The following PLEKHF2 variants were observed in gnomAD, a reference collection of about 807,000 sequenced individuals.
The protein encoded by PLEKHF2 is pleckstrin homology domain-containing family F member 2.
A neutral mutation model predicts 14.7 loss-of-function variants in PLEKHF2; 4 were observed. The ratio of observed to expected loss-of-function variants is 0.27; its 90% confidence interval spans 0.13 to 0.62. PLEKHF2 has a LOEUF of 0.62. Ranked by LOEUF, PLEKHF2 falls within the 20% of genes least tolerant of loss-of-function variation. The pLI, the probability that PLEKHF2 is intolerant of heterozygous loss-of-function variation, is 0.85. For synonymous variants in PLEKHF2, 90 were observed against 103.5 expected (o/e 0.87, Z 0.79); for missense variants, 201 against 307.7 (o/e 0.65, Z 2.60).
In PLEKHF2 at chr8:95,133,900, G is replaced by C. The variant is rs984098134; in HGVS notation, c.-145G>C. ...CGCGTCTGGATCGCGCCGGCTGCGC[G>C]GGGCTGCGGACAGCACACACCCTGG... On this transcript the variant is annotated 5_prime_UTR_variant, in exon 1 of 2. Coordinates refer to ENST00000315367, the MANE Select transcript of PLEKHF2 (RefSeq NM_024613.4). 6.6e-6 allele frequency: 1 copy of C among 152,194 alleles called. No homozygotes were observed. Among genetic ancestry groups the C allele is most frequent in the Non-Finnish European group, 1.5e-5 (1 of 68,146 alleles). 9.4% of individuals were successfully genotyped at this position (152,194 alleles called of 1,614,324 possible). A position where few individuals can be genotyped will look rare whatever the true frequency, so the allele number is the denominator to read the frequency against.
Position 95,153,709 on chromosome 8 carries a change from T to A in PLEKHF2, c.-14-322T>A, listed in dbSNP as rs139660424. ...TGAGATTACATTTCATTGAATGGGG[T>A]TTATTATTTTGCAGAGATAAGTTAT... On this transcript the variant is annotated intron_variant, in intron 1 of 1. Coordinates refer to ENST00000315367, the MANE Select transcript of PLEKHF2 (RefSeq NM_024613.4). Among the ~76,000 whole-genome samples, 493 of 152,248 alleles carry A rather than the reference T, an allele frequency of 3.2e-3. 2 individuals are homozygous for A. The highest frequency in any genetic ancestry group is 0.011 in the African/African-American group (465 of 41,538).
chr8:95,139,589 A>G (rs1587304019), intron 1 of PLEKHF2, among the ~76,000 whole-genome samples: 2 of 150,652 alleles, frequency 1.3e-5, no homozygotes, highest in Non-Finnish European at 3.0e-5. Flanking sequence ...AAGTTTAGGT[A>G]GTAAATTTTT....
At chr8:95,153,060 T>C (rs984079437) in intron 1 of PLEKHF2, among the ~76,000 whole-genome samples, 1 of 152,160 alleles carries the variant, frequency 6.6e-6, no homozygotes, top group Non-Finnish European at 1.5e-5. Flanking sequence ...TTTAGTACCT[T>C]TTCTGTGTCA....
chr8:95,136,378 TTTG>T (rs1810377487), intron 1 of PLEKHF2, among the ~76,000 whole-genome samples: 1 of 147,862 alleles, frequency 6.8e-6, no homozygotes, highest in Admixed American at 6.7e-5. Flanking sequence ...ACACACATGT[TTTG>T]TTGTTGTTTT....
At chr8:95,146,822 A>G (rs1237722067) in intron 1 of PLEKHF2, among the ~76,000 whole-genome samples, 1 of 152,056 alleles carries the variant, frequency 6.6e-6, no homozygotes, top group Non-Finnish European at 1.5e-5. Context: ...AAAAAAAAAA[A>G]GTCAAATGGA....
In PLEKHF2 at chr8:95,154,764, T is replaced by G; in HGVS notation, c.720T>G (p.Asp240Glu). 6.2e-7 allele frequency: 1 copy of G among 1,614,118 alleles called. No individual in the cohort carries two copies. ...SLKSPLNDMS[D>E]DDDDDDSSD is the part of the protein sequence containing the mutation. ...AGTCTCCTTTAAATGATATGTCTGA[T>G]GATGATGACGATGATGATAGCAGTG... Residue 240 changes from aspartate to glutamate, a missense_variant, in exon 2 of 2, where the codon GAT (aspartate) becomes GAG (glutamate). By Grantham distance (45) the Asp-to-Glu change is conservative (BLOSUM62 2). Coordinates refer to ENST00000315367, the MANE Select transcript of PLEKHF2 (RefSeq NM_024613.4). This position sits in a 1 kb window ranked among gnomAD's most constrained non-coding sequence, Gnocchi z 5.6.
intron 1 of PLEKHF2, among the ~76,000 whole-genome samples, chr8:95,153,093 A>G (rs779267374): frequency 9.9e-5 from 15 of 152,172 alleles, no homozygotes; most frequent in Non-Finnish European, 2.2e-4. Context: ...TTCAAACAAA[A>G]CTATCAGATG....
chr8:95,137,590 T>C (rs959768050), intron 1 of PLEKHF2, among the ~76,000 whole-genome samples: 1 of 152,278 alleles, frequency 6.6e-6, no homozygotes. Flanking sequence ...CTTTTCATTT[T>C]GTAGTTGAGT....
chr8:95,142,563 G>T (rs1587305521), intron 1 of PLEKHF2, among the ~76,000 whole-genome samples: 2 of 152,240 alleles, frequency 1.3e-5, no homozygotes, highest in Non-Finnish European at 2.9e-5. Context: ...CTATTTTTTA[G>T]ATATTATCCA....
intron 1 of PLEKHF2, among the ~76,000 whole-genome samples, chr8:95,146,836 CTG>C (rs1810505746): frequency 1.3e-5 from 2 of 151,220 alleles, no homozygotes; most frequent in Admixed American, 6.6e-5. Flanking sequence ...AAATGGAAAA[CTG>C]TTGAAATTAA....
chr8:95,147,278 A>G (rs1810508834), intron 1 of PLEKHF2, among the ~76,000 whole-genome samples: 1 of 152,064 alleles, frequency 6.6e-6, no homozygotes, highest in African/African-American at 2.4e-5. Context: ...CTTACCCTGC[A>G]TACCCCAGAC....
At chr8:95,150,822 T>C (rs1272734438) in intron 1 of PLEKHF2, among the ~76,000 whole-genome samples, 2 of 152,126 alleles carry the variant, frequency 1.3e-5, no homozygotes, top group Non-Finnish European at 2.9e-5. Flanking sequence ...GTGGAGTTCT[T>C]AGGAACAATT....
At chr8:95,141,705 G>GTT (rs111907566) in intron 1 of PLEKHF2, among the ~76,000 whole-genome samples, 102 of 131,684 alleles carry the variant, frequency 7.7e-4, no homozygotes, top group Non-Finnish European at 1.4e-3. Flanking sequence ...TTTGTGTTTT[G>GTT]TTTTTTTTTT....
At chr8:95,135,584 G>T (rs1226507711) in intron 1 of PLEKHF2, among the ~76,000 whole-genome samples, 3 of 152,152 alleles carry the variant, frequency 2.0e-5, no homozygotes, top group Non-Finnish European at 4.4e-5. Flanking sequence ...TTTGAATTTT[G>T]TGGAGAGAAG....
intron 1 of PLEKHF2, among the ~76,000 whole-genome samples, chr8:95,139,626 A>G (rs1480257785): frequency 1.3e-5 from 2 of 152,174 alleles, no homozygotes; most frequent in Non-Finnish European, 2.9e-5. Flanking sequence ...TTTGTGATAC[A>G]TTTAACTATT....
chr8:95,143,047 A>AT (rs574857204), intron 1 of PLEKHF2, among the ~76,000 whole-genome samples: 31 of 147,222 alleles, frequency 2.1e-4, no homozygotes, highest in Non-Finnish European at 2.5e-4. Flanking sequence ...TTATGCAAGC[A>AT]TTTTTTTTTA....
chr8:95,136,757 C>T (rs1176909598), intron 1 of PLEKHF2, among the ~76,000 whole-genome samples: 1 of 152,034 alleles, frequency 6.6e-6, no homozygotes, highest in Non-Finnish European at 1.5e-5. Context: ...CTTTGATGAA[C>T]CAGCTTTGTA....
intron 1 of PLEKHF2, among the ~76,000 whole-genome samples, chr8:95,141,308 G>C (rs1810435958): frequency 6.6e-6 from 1 of 151,792 alleles, no homozygotes; most frequent in Non-Finnish European, 1.5e-5. Flanking sequence ...CTCTATTTTT[G>C]CAGTTACTTT....
chr8:95,139,997 C>G (rs1465571430), intron 1 of PLEKHF2, among the ~76,000 whole-genome samples: 1 of 152,016 alleles, frequency 6.6e-6, no homozygotes, highest in African/African-American at 2.4e-5. Context: ...AAGTTTAGTC[C>G]TCTGCTCTCG....
Sources: allele counts gnomAD v4.1 joint callset (sites outside exome capture counted in the v4.1 genomes callset), GRCh38; gene constraint gnomAD v4.1.1; non-coding constraint Gnocchi (gnomAD v3.1); transcripts MANE v1.5; gene names NCBI Gene and HGNC (gene_info 2026-07-23, HGNC 2026-07-21).